The following RANBP17 variants were observed in gnomAD, a reference collection of about 807,000 sequenced individuals.
RANBP17 encodes ran-binding protein 17.
RANBP17 carries 158 observed loss-of-function variants against 141.2 expected under a neutral mutation model. That is an observed-to-expected ratio of 1.12 (90% CI 0.98 to 1.28). The LOEUF is 1.28. Among genes scored for constraint, RANBP17 ranks in the 50% most tolerant of loss-of-function variants. RANBP17 has a pLI of 0.00. For synonymous variants in RANBP17, 430 were observed against 450.0 expected (o/e 0.96, Z 0.56); for missense variants, 1,438 against 1,290.7 (o/e 1.11, Z -1.75).
At chr5:170,983,990 A>AT (rs1274824799) in intron 14 of RANBP17, among the ~76,000 whole-genome samples, 3 of 152,182 alleles carry the variant, frequency 2.0e-5, no homozygotes, top group African/African-American at 7.2e-5. Flanking sequence ...ATAGGTTAGT[A>AT]TAGCTAAGGC....
Position 170,949,252 on chromosome 5 carries a change from G to A in RANBP17, c.1469-4345G>A, listed in dbSNP as rs376973734. Among the ~76,000 whole-genome samples, 37 of 152,226 alleles carry A rather than the reference G, an allele frequency of 2.4e-4. No individual in the cohort carries two copies. In the South Asian group the frequency reaches 7.7e-3, roughly 32 times the overall value. On this transcript the variant is annotated intron_variant, in intron 12 of 27. Coordinates refer to ENST00000523189, the MANE Select transcript of RANBP17 (RefSeq NM_022897.5). ...AATTAGACAAATTAGATAAAACAGA[G>A]TTGCAAATTTTGTGCATCAAAGCAT... is the stretch of plus-strand genomic sequence containing the variant.
chr5:170,944,121 A>G (rs2127480433), intron 12 of RANBP17, among the ~76,000 whole-genome samples: 1 of 152,156 alleles, frequency 6.6e-6, no homozygotes. Context: ...TCTTTCTGTT[A>G]GTAGCTAATT....
intron 12 of RANBP17, among the ~76,000 whole-genome samples, chr5:170,933,541 G>A (rs1471207776): frequency 6.6e-6 from 1 of 152,192 alleles, no homozygotes; most frequent in African/African-American, 2.4e-5. Flanking sequence ...GCTTTCTCCT[G>A]TGGGCAGTTA....
intron 14 of RANBP17, among the ~76,000 whole-genome samples, chr5:170,973,554 G>T (rs1777142513): frequency 6.6e-6 from 1 of 152,078 alleles, no homozygotes; most frequent in South Asian, 2.1e-4. Flanking sequence ...AACTTATAGA[G>T]AATCAACATT....
At chr5:170,940,813 A>G (rs1440874543) in intron 12 of RANBP17, among the ~76,000 whole-genome samples, 2 of 152,162 alleles carry the variant, frequency 1.3e-5, no homozygotes, top group Non-Finnish European at 2.9e-5. Context: ...TCCAGGGCAC[A>G]TGGCGTGTTT....
rs781106082 is a variant in RANBP17 at position 171,199,729 on chromosome 5, G to A, written c.2098G>A (p.Val700Ile). 3.1e-6 allele frequency: 5 copies of A among 1,611,040 alleles called. No homozygotes were observed. The South Asian group carries it at 5.5e-5, about 18-fold the overall frequency. ...MLPLTVAFET[V>I]LQIFNNNFKQ... ...GCCTCTTACAGTTGCTTTTGAAACA[G>A]TATTACAAATATTCAACAACAACTT... Residue 700 changes from valine to isoleucine, a missense_variant, in exon 19 of 28, where the codon GTA becomes ATA. Transcript: ENST00000523189.
chr5:171,103,545 G>A (rs184108002), intron 14 of RANBP17, among the ~76,000 whole-genome samples: 13 of 152,096 alleles, frequency 8.5e-5, no homozygotes, highest in African/African-American at 3.1e-4. Context: ...GCTCCGTGGG[G>A]GTGAGATCTG....
intron 14 of RANBP17, among the ~76,000 whole-genome samples, chr5:171,120,899 T>A (rs542067484): frequency 6.6e-6 from 1 of 152,358 alleles, no homozygotes; most frequent in African/African-American, 2.4e-5. Flanking sequence ...AGTTTTTCAT[T>A]GATAGACAAA....
chr5:170,966,948 C>A (rs967379969), intron 13 of RANBP17, among the ~76,000 whole-genome samples: 5 of 152,118 alleles, frequency 3.3e-5, no homozygotes, highest in African/African-American at 1.2e-4. Flanking sequence ...TTCACAATTG[C>A]TTCAAAGATA....
intron 18 of RANBP17, among the ~76,000 whole-genome samples, chr5:171,195,064 A>G (rs998150195): frequency 1.3e-5 from 2 of 152,162 alleles, no homozygotes; most frequent in Non-Finnish European, 2.9e-5. Flanking sequence ...GGAATTTATA[A>G]TTTTTATCTA....
chr5:170,953,822 C>T (rs1306372373), intron 13 of RANBP17, 120 bp downstream of exon 13: 1 of 641,972 alleles, frequency 1.6e-6, no homozygotes, highest in Non-Finnish European at 2.7e-6. Context: ...GTATTATTTC[C>T]CTTTTTATTG....
At chr5:171,177,623 T>C (rs1760573662) in intron 16 of RANBP17, among the ~76,000 whole-genome samples, 1 of 152,184 alleles carries the variant, frequency 6.6e-6, no homozygotes, top group South Asian at 2.1e-4. Context: ...GTTTATTCAA[T>C]TTTTCAGTCT....
intron 14 of RANBP17, among the ~76,000 whole-genome samples, chr5:171,147,444 C>G (rs1328081028): frequency 7.7e-6 from 1 of 129,074 alleles, no homozygotes; most frequent in Non-Finnish European, 1.6e-5. Flanking sequence ...GAGACAGAGT[C>G]TTGCTCTGTC....
At chr5:171,083,983 T>C (rs1254225361) in intron 14 of RANBP17, among the ~76,000 whole-genome samples, 9 of 151,548 alleles carry the variant, frequency 5.9e-5, no homozygotes, top group Admixed American at 2.6e-4. Flanking sequence ...AATTATACTT[T>C]AAGTTTTAGG....
chr5:171,090,484 C>T (rs1366774577), intron 14 of RANBP17, among the ~76,000 whole-genome samples: 1 of 152,098 alleles, frequency 6.6e-6, no homozygotes, highest in African/African-American at 2.4e-5. Flanking sequence ...AAATTTGCAG[C>T]CTGACAATGT....
intron 14 of RANBP17, among the ~76,000 whole-genome samples, chr5:170,984,479 T>C (rs1034103086): frequency 6.6e-6 from 1 of 151,810 alleles, no homozygotes; most frequent in East Asian, 1.9e-4. Flanking sequence ...TTCTAAAAAT[T>C]AGCTGGGCAT....
At chr5:170,942,624 T>G (rs1774420007) in intron 12 of RANBP17, among the ~76,000 whole-genome samples, 1 of 152,178 alleles carries the variant, frequency 6.6e-6, no homozygotes. Context: ...TGACTCATGC[T>G]TACTTCTAGG....
chr5:170,953,334 G>C (rs979600002), intron 12 of RANBP17, among the ~76,000 whole-genome samples: 1 of 152,092 alleles, frequency 6.6e-6, no homozygotes, highest in Admixed American at 6.5e-5. Context: ...AAAGAGATAA[G>C]TAACTTATGC....
chr5:171,049,737 A>G (rs1782832383), intron 14 of RANBP17, among the ~76,000 whole-genome samples: 1 of 152,020 alleles, frequency 6.6e-6, no homozygotes, highest in Non-Finnish European at 1.5e-5. Flanking sequence ...TTTTTTCCTC[A>G]TTGCTTGTTT....
Sources: gnomAD v4.1 joint callset for allele counts (sites outside exome capture counted in the v4.1 genomes callset) on GRCh38, gnomAD v4.1.1 for gene constraint, MANE v1.5 for transcripts, NCBI Gene and HGNC (gene_info 2026-07-23, HGNC 2026-07-21) for gene names.